Variants in COL3A1 observed in about 807,000 individuals in gnomAD.
The protein encoded by COL3A1 is collagen type III alpha 1 chain.
COL3A1 carries 46 observed loss-of-function variants against 200.9 expected under a neutral mutation model. The ratio of observed to expected loss-of-function variants is 0.23; its 90% CI spans 0.18 to 0.29. COL3A1 has a LOEUF of 0.29. Ranked by LOEUF, COL3A1 falls within the 10% of genes least tolerant of loss-of-function variation. COL3A1 has a pLI of 1.00. For synonymous variants in COL3A1, 650 were observed against 628.0 expected (o/e 1.03, Z -0.52); for missense variants, 1,367 against 1,917.6 (o/e 0.71, Z 5.36).
At chr2:189,005,256 T>G in intron 40 of COL3A1, 94 bp from the exon 41 acceptor site, 1 of 1,149,286 alleles carries the variant, frequency 8.7e-7, no homozygotes, top group Admixed American at 1.8e-5. Flanking sequence ...TTAAATAAAA[T>G]AAGTTTTTTA....
At chr2:188,983,648 G>T (rs1427812484) in intron 1 of COL3A1, among the ~76,000 whole-genome samples, 1 of 151,866 alleles carries the variant, frequency 6.6e-6, no homozygotes. Flanking sequence ...TGAACTACTT[G>T]CCTACTCGGT....
chr2:188,976,770 TG>T (rs1333926764), intron 1 of COL3A1, among the ~76,000 whole-genome samples: 2 of 152,216 alleles, frequency 1.3e-5, no homozygotes, highest in African/African-American at 4.8e-5. Flanking sequence ...ATTTAATTCA[TG>T]TGTTTTAATC....
At chr2:189,003,291 C>T in intron 36 of COL3A1, 120 bp from the exon 37 acceptor site, 2 of 863,594 alleles carry the variant, frequency 2.3e-6, no homozygotes, top group South Asian at 1.4e-5. Flanking sequence ...AATCTCAGCA[C>T]CAGCAATCTA....
rs13306261 is a variant in COL3A1, at chr2:189,002,585, T to C, written c.2445+234T>C. On this transcript the variant is annotated intron_variant, in intron 35 of 50. Transcript: ENST00000304636. Reference sequence around the variant, plus strand: ...TGGGTAATGAACTAAAGCAGTATCATGGATTTAAAAGCACTCTGAATTTTT... The same window carrying C: ...TGGGTAATGAACTAAAGCAGTATCACGGATTTAAAAGCACTCTGAATTTTT... 0.24 allele frequency among the ~76,000 whole-genome samples: 36,782 copies of C among 152,110 alleles called. 4,595 individuals carry two copies. The highest frequency in any genetic ancestry group is 0.39 in the South Asian group (1,879 of 4,816).
At chr2:188,977,045 C>G (rs1032927454) in intron 1 of COL3A1, among the ~76,000 whole-genome samples, 1 of 152,040 alleles carries the variant, frequency 6.6e-6, no homozygotes. Context: ...TATACTGACA[C>G]GAAAACACAA....
Position 189,011,778 on chromosome 2 carries a change from A to G in COL3A1, c.*4A>G. The stretch of plus-strand genomic sequence containing the variant: ...TGGCCCTGTTTGCTTTTTATAAACC[A>G]AACTCTATCTGAAATCCCAACAAAA... On this transcript the variant is annotated 3_prime_UTR_variant, in exon 51 of 51. Transcript: ENST00000304636. The G allele has an allele frequency of 6.2e-7, 1 of 1,613,920 alleles. No individual in the cohort carries two copies.
At chr2:188,996,268 GTGTA>G (rs1254168576) in intron 23 of COL3A1, 90 bp downstream of exon 23, 14 of 892,544 alleles carry the variant, frequency 1.6e-5, no homozygotes, top group African/African-American at 5.1e-5. Flanking sequence ...GTGTGTGTGT[GTGTA>G]TATATATATA....
At chr2:189,002,844 T>C (rs1348278911) in intron 35 of COL3A1, 111 bp from the exon 36 acceptor site, 1 of 869,384 alleles carries the variant, frequency 1.2e-6, no homozygotes, top group Non-Finnish European at 1.9e-6. Flanking sequence ...TTTTAAATTT[T>C]ATTTCAACTC....
intron 4 of COL3A1, 28 bp from the exon 5 acceptor site, chr2:188,987,031 A>G (rs377386226): frequency 6.4e-7 from 1 of 1,570,226 alleles, no homozygotes; most frequent in Non-Finnish European, 8.8e-7. Context: ...TGTTAAAATG[A>G]TCATATCTAT....
chr2:188,976,671 C>G (rs1183254677), intron 1 of COL3A1, among the ~76,000 whole-genome samples: 1 of 152,142 alleles, frequency 6.6e-6, no homozygotes, highest in Non-Finnish European at 1.5e-5. Context: ...CTAATGAACA[C>G]TCACTTCTAG....
At position 189,003,308 on chromosome 2, in the gene COL3A1, A is replaced by G. The variant is rs1264511966; in HGVS notation, c.2554-103A>G. The G allele has an allele frequency of 9.8e-6, 10 of 1,016,244 alleles. No homozygotes were observed. In the East Asian group the frequency reaches 1.0e-4, roughly 10 times the overall value. The allele number at this position is 1,016,244 out of a possible 1,614,324, so 63.0% of individuals were successfully genotyped here. A position where few individuals can be genotyped will look rare whatever the true frequency, so the allele number is the denominator to read the frequency against. On this transcript the variant is annotated intron_variant, in intron 36 of 50. Coordinates refer to ENST00000304636, the MANE Select transcript of COL3A1 (RefSeq NM_000090.4). ...TCTCAGCACCAGCAATCTAAAAGTT[A>G]TTTTAACCTCTTCATAGAGTTCCTG...
chr2:188,994,654 T>A lies in COL3A1; in HGVS notation c.1347+60T>A, dbSNP rs996739719. On this transcript the variant is annotated intron_variant, in intron 19 of 50. Transcript: ENST00000304636. This position sits in a 1 kb window ranked among gnomAD's most constrained non-coding sequence, Gnocchi z 4.5. ...GAAAAAATGCAACATAATTAGAAAG[T>A]AAACAGGTAAAAACTTTGAACTAAA... 20 of 1,609,758 alleles carry A rather than the reference T, an allele frequency of 1.2e-5. No homozygotes were observed. The highest frequency in any genetic ancestry group is 1.7e-5 in the Non-Finnish European group (20 of 1,176,308).
At chr2:189,003,342 A>G (rs1688512443) in intron 36 of COL3A1, 69 bp from the exon 37 acceptor site, 1 of 1,398,784 alleles carries the variant, frequency 7.1e-7, no homozygotes, top group South Asian at 1.2e-5. Flanking sequence ...TGGTTTTCAA[A>G]GGCTTAATGC....
chr2:188,993,061 T>G lies in COL3A1; in HGVS notation c.1050+121T>G, dbSNP rs529013605. 17 of 894,186 alleles carry G rather than the reference T, an allele frequency of 1.9e-5. 1 individual carries two copies. The Middle Eastern group carries it at 1.6e-3, about 83-fold the overall frequency. The allele number at this position is 894,186 out of a possible 1,614,324, so 55.4% of individuals were successfully genotyped here. On this transcript the variant is annotated intron_variant, in intron 15 of 50. Transcript: ENST00000304636. ...AATGGATAGCTTTTATCTATACATG[T>G]CTTTAAAGCCCTATTCTTGATTCTA...
At chr2:188,985,299 T>C (rs780383636) in intron 3 of COL3A1, 52 bp downstream of exon 3, 1 of 1,450,908 alleles carries the variant, frequency 6.9e-7, no homozygotes. Context: ...ATAATTCTAG[T>C]AAGAGTTTGC....
In COL3A1 at chr2:188,996,249, AGT is replaced by A. The variant is rs112143266; in HGVS notation, c.1662+92_1662+93del. ...GAATGTATATGTTGGCCTATCCTTG[AGT>A]GTGTGTGTGTGTGTGTGTGTATATA... is the stretch of plus-strand genomic sequence containing the variant. On this transcript the variant is annotated intron_variant, in intron 23 of 50. Transcript: ENST00000304636. The A allele has an allele frequency of 0.04, 32,693 of 818,530 alleles. 598 individuals are homozygous for A. Among genetic ancestry groups the A allele is most frequent in the African/African-American group, 0.15 (7,837 of 52,074 alleles). The allele number at this position is 818,530 out of a possible 1,614,324, so 50.7% of individuals were successfully genotyped here. A position where few individuals can be genotyped will look rare whatever the true frequency, so the allele number is the denominator to read the frequency against.
Position 188,992,235 on chromosome 2 carries a change from A to G in COL3A1, c.996+7A>G. ...AGGCAGTGATGGTCAACCAGTAAGTAACTTTCTATCTCTTATGTGTTGTAG... is the reference window on the plus strand; with the variant it reads ...AGGCAGTGATGGTCAACCAGTAAGTGACTTTCTATCTCTTATGTGTTGTAG... On this transcript the variant is annotated splice_region_variant and intron_variant, in intron 14 of 50. Coordinates refer to ENST00000304636, the MANE Select transcript of COL3A1 (RefSeq NM_000090.4). 6.2e-7 allele frequency: 1 copy of G among 1,613,672 alleles called. No homozygotes were observed. The highest frequency in any genetic ancestry group is 1.1e-5 in the South Asian group (1 of 91,068).
At position 188,998,691 on chromosome 2, in the gene COL3A1, C is replaced by T. The variant is rs149093989; in HGVS notation, c.1995C>T (p.Ala665=). 183 of 1,613,784 alleles carry T rather than the reference C, an allele frequency of 1.1e-4. No homozygotes were observed. Among genetic ancestry groups the T allele is most frequent in the Non-Finnish European group, 1.5e-4 (179 of 1,179,856 alleles). Residue 665 remains alanine, a synonymous_variant, in exon 29 of 51, where the codon GCC becomes GCT. Coordinates refer to ENST00000304636, the MANE Select transcript of COL3A1 (RefSeq NM_000090.4). The stretch of plus-strand genomic sequence containing the variant: ...TCTCCCAGGGTCCAAAGGGTGATGC[C>T]GGTGCACCTGGAGCTCCAGGAGGCA... ...KPGEPGPKGD[A]GAPGAPGGKG... is the part of the protein sequence containing the mutation.
intron 41 of COL3A1, 23 bp downstream of exon 41, chr2:189,005,480 C>A: frequency 6.3e-7 from 1 of 1,577,008 alleles, no homozygotes; most frequent in Non-Finnish European, 8.7e-7. Context: ...TTTTATTCAA[C>A]CAGCCAGGTA....
Sources: allele counts gnomAD v4.1 joint callset (sites outside exome capture counted in the v4.1 genomes callset), GRCh38; gene constraint gnomAD v4.1.1; non-coding constraint Gnocchi (gnomAD v3.1); transcripts MANE v1.5; gene names NCBI Gene and HGNC (gene_info 2026-07-23, HGNC 2026-07-21).